Variants in HS6ST2 observed in about 807,000 individuals in gnomAD.
The protein encoded by HS6ST2 is heparan sulfate 6-O-sulfotransferase 2.
A neutral mutation model predicts 33.0 loss-of-function variants in HS6ST2; 17 were observed. That is an observed-to-expected ratio of 0.52 (90% CI 0.35 to 0.77). The LOEUF (loss-of-function observed/expected upper bound fraction) is 0.77. Ranked by LOEUF, HS6ST2 falls within the 30% of genes least tolerant of loss-of-function variation. The pLI, the probability that HS6ST2 is intolerant of heterozygous loss-of-function variation, is 0.01. For synonymous variants in HS6ST2, 248 were observed against 237.1 expected, an observed-to-expected ratio of 1.05 and a Z score of -0.42; for missense variants, 519 against 551.7, an observed-to-expected ratio of 0.94 and a Z score of 0.59.
rs187841828 is a variant in HS6ST2, at chrX:132,763,708, G to A, written c.948-55214C>T. On this transcript the variant is annotated intron_variant, in intron 2 of 4. Coordinates refer to ENST00000370833, the MANE Select transcript of HS6ST2 (RefSeq NM_001394073.1). ...GCGAAGTGACTGAGGGCTTGGAGCT[G>A]CCTGTCATAGCTAATGGCTCAGCCC... is the stretch of plus-strand genomic sequence containing the variant. Among the ~76,000 whole-genome samples, 313 of 112,301 alleles carry A rather than the reference G, an allele frequency of 2.8e-3. 2 individuals carry two copies. The highest frequency in any genetic ancestry group is 3.5e-3 in the Non-Finnish European group (189 of 53,277).
At chrX:132,707,194 A>C (rs1166354629) in intron 3 of HS6ST2, among the ~76,000 whole-genome samples, 1 of 112,067 alleles carries the variant, frequency 8.9e-6, no homozygotes, top group Non-Finnish European at 1.9e-5. Flanking sequence ...GCTCCATTTT[A>C]TTTTACAGGC....
intron 2 of HS6ST2, among the ~76,000 whole-genome samples, chrX:132,864,495 G>T (rs1342210817): frequency 1.9e-5 from 2 of 106,709 alleles, no homozygotes; most frequent in East Asian, 6.1e-4. Flanking sequence ...CAGAAGAAAG[G>T]ATATCAGAGA....
rs144709064 is a variant in HS6ST2, at chrX:132,630,815, C to T, written c.1068-1722G>A. Reference sequence around the variant, plus strand: ...CAAAAATTAGCCAGGTGTGGTTGTGCGCTCCCGTAATCCTAGCTACTCAGG... The same window carrying T: ...CAAAAATTAGCCAGGTGTGGTTGTGTGCTCCCGTAATCCTAGCTACTCAGG... On this transcript the variant is annotated intron_variant, in intron 4 of 4. Transcript: ENST00000370833. Among the ~76,000 whole-genome samples, 273 of 109,976 alleles carry T rather than the reference C, an allele frequency of 2.5e-3. 1 individual carries two copies. Among genetic ancestry groups the T allele is most frequent in the African/African-American group, 8.7e-3 (261 of 30,140 alleles).
chrX:132,936,004 G>A (rs1400252433), intron 2 of HS6ST2, among the ~76,000 whole-genome samples: 4 of 67,250 alleles, frequency 5.9e-5, no homozygotes, highest in Non-Finnish European at 1.1e-4. Context: ...ATAGATTCTA[G>A]GGAATTGAGA....
chrX:132,686,882 G>A (rs772597646), intron 3 of HS6ST2, among the ~76,000 whole-genome samples: 1 of 111,701 alleles, frequency 9.0e-6, no homozygotes, highest in Admixed American at 9.5e-5. Flanking sequence ...CTTACCACCT[G>A]CTACGGGCAA....
chrX:132,835,036 AT>A (rs1003896344), intron 2 of HS6ST2, among the ~76,000 whole-genome samples: 5 of 111,814 alleles, frequency 4.5e-5, no homozygotes, highest in African/African-American at 1.6e-4. Context: ...CACAGAGATG[AT>A]TCTCAGCAAG....
intron 2 of HS6ST2, among the ~76,000 whole-genome samples, chrX:132,931,163 G>C (rs1439634946): frequency 9.0e-6 from 1 of 111,606 alleles, no homozygotes; most frequent in Non-Finnish European, 1.9e-5. Context: ...AGAGTCTGTA[G>C]CACTTGAGCC....
At chrX:132,638,937 A>G (rs1284168831) in intron 4 of HS6ST2, among the ~76,000 whole-genome samples, 1 of 112,271 alleles carries the variant, frequency 8.9e-6, no homozygotes, top group African/African-American at 3.2e-5. Context: ...ACCTTCATTC[A>G]TTGATTCTTT....
At chrX:132,916,163 G>A (rs2066587907) in intron 2 of HS6ST2, among the ~76,000 whole-genome samples, 1 of 111,716 alleles carries the variant, frequency 9.0e-6, no homozygotes, top group African/African-American at 3.3e-5. Flanking sequence ...AAGAGAACTG[G>A]AGTGGCAGTC....
At chrX:132,930,521 A>G (rs2066757252) in intron 2 of HS6ST2, among the ~76,000 whole-genome samples, 1 of 111,117 alleles carries the variant, frequency 9.0e-6, no homozygotes, top group Non-Finnish European at 1.9e-5. Flanking sequence ...GACCAGAGAC[A>G]TTGAGGCAGG....
At chrX:132,916,301 G>A (rs2148474486) in intron 2 of HS6ST2, among the ~76,000 whole-genome samples, 1 of 112,103 alleles carries the variant, frequency 8.9e-6, no homozygotes, top group African/African-American at 3.2e-5. Flanking sequence ...AGAAATCTGT[G>A]ACATGAAACC....
intron 2 of HS6ST2, among the ~76,000 whole-genome samples, chrX:132,722,060 C>T (rs1476194663): frequency 3.7e-5 from 4 of 108,302 alleles, no homozygotes; most frequent in African/African-American, 1.3e-4. Context: ...TGTTGGCGGG[C>T]GCCTGTAGTC....
chrX:132,839,294 A>ATATACACATATGTATG (rs1275379913), intron 2 of HS6ST2, among the ~76,000 whole-genome samples: 11 of 44,545 alleles, frequency 2.5e-4, no homozygotes, highest in Admixed American at 9.7e-4. Context: ...ATATATATAT[A>ATATACACATATGTATG]TATATATATA....
chrX:132,792,214 G>A (rs759743550), intron 2 of HS6ST2, among the ~76,000 whole-genome samples: 3 of 112,262 alleles, frequency 2.7e-5, no homozygotes, highest in East Asian at 5.6e-4. Context: ...GTGGGCACAA[G>A]GTGGTTAAGT....
In HS6ST2 at chrX:132,822,115, G is replaced by A. The variant is rs758725268; in HGVS notation, c.948-113621C>T. The stretch of plus-strand genomic sequence containing the variant: ...GTACTTTTATTGTCCCTGTTAACAG[G>A]TGAGGGTACTGAGCCACAGAGTGTA... On this transcript the variant is annotated intron_variant, in intron 2 of 4. Coordinates refer to ENST00000370833, the MANE Select transcript of HS6ST2 (RefSeq NM_001394073.1). Among the ~76,000 whole-genome samples the A allele has an allele frequency of 4.5e-5, 5 of 112,049 alleles. No homozygotes were observed. In the South Asian group the frequency reaches 1.9e-3, roughly 42 times the overall value.
intron 2 of HS6ST2, among the ~76,000 whole-genome samples, chrX:132,821,153 C>G (rs1188941962): frequency 9.3e-6 from 1 of 107,789 alleles, no homozygotes; most frequent in Non-Finnish European, 1.9e-5. Context: ...GAGAGATCAT[C>G]AAAAGCAGTT....
intron 2 of HS6ST2, among the ~76,000 whole-genome samples, chrX:132,895,080 A>G (rs1157998124): frequency 8.9e-6 from 1 of 112,222 alleles, no homozygotes; most frequent in East Asian, 2.8e-4. Flanking sequence ...TTCAAATTCT[A>G]TCACTGATCT....
At chrX:132,850,762 T>C (rs2065794654) in intron 2 of HS6ST2, among the ~76,000 whole-genome samples, 2 of 104,919 alleles carry the variant, frequency 1.9e-5, no homozygotes, top group African/African-American at 3.5e-5. Flanking sequence ...TCCCACATCA[T>C]ACACACTGAT....
upstream of HS6ST2, among the ~76,000 whole-genome samples, chrX:132,960,787 G>A (rs993553006): frequency 3.6e-5 from 4 of 111,678 alleles, no homozygotes; most frequent in African/African-American, 1.3e-4. Flanking sequence ...CCCTCATGCT[G>A]TGAGGAACAA....
Sources: gnomAD v4.1 joint callset for allele counts (sites outside exome capture counted in the v4.1 genomes callset) on GRCh38, gnomAD v4.1.1 for gene constraint, MANE v1.5 for transcripts, NCBI Gene and HGNC (gene_info 2026-07-23, HGNC 2026-07-21) for gene names.